The following UGT8 variants were observed in gnomAD, a reference collection of about 807,000 sequenced individuals.
The protein encoded by UGT8 is 2-hydroxyacylsphingosine 1-beta-galactosyltransferase.
Under a neutral mutation model 40.5 loss-of-function variants are expected in UGT8, and 12 were observed. The observed-to-expected ratio is 0.30, with a 90% CI of 0.19 to 0.48. The LOEUF (loss-of-function observed/expected upper bound fraction) is 0.48. UGT8 is among the 20% of genes least tolerant of loss of function. The pLI is 0.99. For synonymous variants in UGT8, 224 were observed against 240.4 expected (o/e 0.93, Z 0.63); for missense variants, 513 against 648.7 (o/e 0.79, Z 2.27).
chr4:114,611,419 TATATATATATATATATATATATATATAC>T (rs1427258569), intron 1 of UGT8, among the ~76,000 whole-genome samples: 1 of 33,954 alleles, frequency 2.9e-5, no homozygotes, highest in Non-Finnish European at 9.2e-5. Context: ...TATATATATA[TATATATATATATATATATATATATATAC>T]ACACACACAC....
At position 114,677,578 on chromosome 4, in the gene UGT8, A is replaced by G. The variant is rs1404006412; in HGVS notation, c.*1290A>G. 2 of 152,228 alleles carry G rather than the reference A, an allele frequency of 1.3e-5. No homozygotes were observed. The highest frequency in any genetic ancestry group is 2.4e-5 in the African/African-American group (1 of 41,446). The allele number at this position is 152,228 out of a possible 1,614,324, so 9.4% of individuals were successfully genotyped here. A position where few individuals can be genotyped will look rare whatever the true frequency, so the allele number is the denominator to read the frequency against. ...CTGACATGGAGCAGTGACAGTATTC[A>G]TTTGAGAACAGGGATGCAAGTCACA... On this transcript the variant is annotated 3_prime_UTR_variant, in exon 6 of 6. Coordinates refer to ENST00000310836, the MANE Select transcript of UGT8 (RefSeq NM_001128174.3).
intron 2 of UGT8, chr4:114,656,705 G>A (rs1734208897): frequency 2.2e-6 from 1 of 459,994 alleles, no homozygotes; most frequent in Non-Finnish European, 4.5e-6. Context: ...TGTGATCTTG[G>A]TAAATAACTG....
At chr4:114,674,145 C>A (rs917900184) in intron 5 of UGT8, among the ~76,000 whole-genome samples, 2 of 152,144 alleles carry the variant, frequency 1.3e-5, no homozygotes, top group Non-Finnish European at 2.9e-5. Flanking sequence ...TCATAAATAT[C>A]TGAGTAGATT....
At position 114,654,419 on chromosome 4, in the gene UGT8, C is replaced by T. The variant is rs557472334; in HGVS notation, c.823-9576C>T. 6.6e-5 allele frequency among the ~76,000 whole-genome samples: 10 copies of T among 152,094 alleles called. No homozygotes were observed. The South Asian group carries it at 2.1e-3, about 32-fold the overall frequency. Reference sequence around the variant, plus strand: ...TCAGCCCCTAGAGCTGCAAAATCTACCCTAGTAACGTTTAAGCAACCACCT... The same window carrying T: ...TCAGCCCCTAGAGCTGCAAAATCTATCCTAGTAACGTTTAAGCAACCACCT... On this transcript the variant is annotated intron_variant, in intron 2 of 5. Transcript: ENST00000310836.
chr4:114,607,400 C>G (rs1486162482), intron 1 of UGT8, among the ~76,000 whole-genome samples: 1 of 152,100 alleles, frequency 6.6e-6, no homozygotes, highest in Non-Finnish European at 1.5e-5. Flanking sequence ...ATGCTTCTTC[C>G]CTGCTCCTTG....
At chr4:114,653,947 A>T (rs1460850317) in intron 2 of UGT8, among the ~76,000 whole-genome samples, 2 of 152,060 alleles carry the variant, frequency 1.3e-5, no homozygotes, top group Non-Finnish European at 2.9e-5. Context: ...AAGTTTGTTA[A>T]CTGATATTGA....
chr4:114,602,421 C>T (rs188624669), intron 1 of UGT8, among the ~76,000 whole-genome samples: 3 of 152,226 alleles, frequency 2.0e-5, no homozygotes, highest in Middle Eastern at 3.4e-3. Flanking sequence ...TGCAAATCTA[C>T]TTATGGAGGA....
chr4:114,661,749 G>T (rs930871774), intron 2 of UGT8, among the ~76,000 whole-genome samples: 8 of 152,196 alleles, frequency 5.3e-5, no homozygotes, highest in Non-Finnish European at 1.2e-4. Context: ...GAGTTTGCAT[G>T]TCACCTTGGT....
intron 1 of UGT8, among the ~76,000 whole-genome samples, chr4:114,612,141 A>G (rs867759129): frequency 1.8e-4 from 27 of 152,240 alleles, no homozygotes; most frequent in Middle Eastern, 3.4e-3. Flanking sequence ...CTCGTATCTT[A>G]TTTTACTTAC....
At chr4:114,604,457 C>CTT (rs35685088) in intron 1 of UGT8, among the ~76,000 whole-genome samples, 8,743 of 132,838 alleles carry the variant, frequency 0.066, 392 homozygotes, top group East Asian at 0.14. Context: ...GGTTTGTTTG[C>CTT]TTTTTTTTTT....
At chr4:114,622,819 C>T in intron 1 of UGT8, 60 bp from the exon 2 acceptor site, 5 of 1,420,470 alleles carry the variant, frequency 3.5e-6, no homozygotes, top group Non-Finnish European at 4.7e-6. Context: ...TTTGTGATTG[C>T]TTGTTTTGAA....
chr4:114,656,929 C>T, intron 2 of UGT8: 1 of 438,962 alleles, frequency 2.3e-6, no homozygotes, highest in East Asian at 7.7e-5. Flanking sequence ...TTTGATATGT[C>T]CCAAGTGTCA....
chr4:114,624,179 G>T (rs1270050974), intron 2 of UGT8, among the ~76,000 whole-genome samples: 9 of 152,172 alleles, frequency 5.9e-5, no homozygotes, highest in African/African-American at 2.4e-5. Context: ...TGAAAGTGAG[G>T]TGGTAACTTC....
chr4:114,658,484 G>A (rs1734323065), intron 2 of UGT8, among the ~76,000 whole-genome samples: 1 of 152,178 alleles, frequency 6.6e-6, no homozygotes, highest in African/African-American at 2.4e-5. Flanking sequence ...GAGATCTGGA[G>A]TGCAAACATG....
At chr4:114,651,038 CT>C (rs1369329516) in intron 2 of UGT8, among the ~76,000 whole-genome samples, 1 of 151,994 alleles carries the variant, frequency 6.6e-6, no homozygotes, top group Admixed American at 6.6e-5. Context: ...CTGGAAAGAT[CT>C]TATCTCTACT....
chr4:114,632,266 G>GATA (rs937145339), intron 2 of UGT8, among the ~76,000 whole-genome samples: 1 of 152,218 alleles, frequency 6.6e-6, no homozygotes, highest in African/African-American at 2.4e-5. Context: ...AATGCTATTA[G>GATA]ATAGGAGAGA....
chr4:114,674,638 A>G (rs1735506888), intron 5 of UGT8, among the ~76,000 whole-genome samples: 1 of 152,220 alleles, frequency 6.6e-6, no homozygotes, highest in African/African-American at 2.4e-5. Flanking sequence ...CTAATTTCTA[A>G]CTAAACTTCA....
chr4:114,670,455 A>AAAC (rs397995056), intron 5 of UGT8, among the ~76,000 whole-genome samples: 1 of 150,310 alleles, frequency 6.7e-6, no homozygotes, highest in South Asian at 2.1e-4. Context: ...AAAAAAAAAA[A>AAAC]GCTTATCCAC....
chr4:114,636,707 CT>C (rs1306221205), intron 2 of UGT8, among the ~76,000 whole-genome samples: 1 of 152,020 alleles, frequency 6.6e-6, no homozygotes, highest in Non-Finnish European at 1.5e-5. Flanking sequence ...CTGCTGCCCC[CT>C]CTCCCTTCCC....
Sources: allele counts gnomAD v4.1 joint callset (sites outside exome capture counted in the v4.1 genomes callset), GRCh38; gene constraint gnomAD v4.1.1; transcripts MANE v1.5; gene names NCBI Gene and HGNC (gene_info 2026-07-23, HGNC 2026-07-21).